Variants in ALKBH3 observed in about 807,000 individuals in gnomAD.
ALKBH3 encodes alkB homolog 3, alpha-ketoglutarate dependent dioxygenase.
In ALKBH3, 51 loss-of-function variants were observed where a neutral mutation model predicts 43.9. The observed-to-expected ratio is 1.16, with a 90% CI of 0.93 to 1.47. The LOEUF is 1.47. Ranked by LOEUF, ALKBH3 falls within the 40% of genes most tolerant of loss-of-function variation. The pLI is 0.00. For synonymous variants in ALKBH3, 102 were observed against 115.2 expected (o/e 0.89, Z 0.73); for missense variants, 361 against 351.9 (o/e 1.03, Z -0.21).
chr11:43,915,414 C>T (rs749635277), intron 8 of ALKBH3, among the ~76,000 whole-genome samples: 7 of 152,212 alleles, frequency 4.6e-5, no homozygotes, highest in Non-Finnish European at 1.0e-4. Context: ...AAATCAAGTG[C>T]CTTAAAGTTC....
intron 8 of ALKBH3, among the ~76,000 whole-genome samples, chr11:43,915,527 T>G (rs1377858953): frequency 1.2e-4 from 18 of 152,202 alleles, no homozygotes; most frequent in Admixed American, 1.2e-3. Flanking sequence ...TTTATTTATT[T>G]TCCCTCTTTT....
intron 8 of ALKBH3, among the ~76,000 whole-genome samples, chr11:43,914,244 G>A (rs978216710): frequency 6.6e-6 from 1 of 152,210 alleles, no homozygotes; most frequent in Non-Finnish European, 1.5e-5. Context: ...ATGCTAGCCT[G>A]CCCTCCTGCT....
intron 5 of ALKBH3, among the ~76,000 whole-genome samples, chr11:43,887,084 A>C (rs1951751438): frequency 6.6e-6 from 1 of 152,220 alleles, no homozygotes; most frequent in South Asian, 2.1e-4. Flanking sequence ...ACAAACCTGC[A>C]TATGTACCCC....
rs942902470 is a variant in ALKBH3, at chr11:43,883,971, A to G, written c.184-12A>G. 9.3e-6 allele frequency: 15 copies of G among 1,613,564 alleles called. No homozygotes were observed. Among genetic ancestry groups the G allele is most frequent in the South Asian group, 3.3e-5 (3 of 91,052 alleles). On this transcript the variant is annotated splice_polypyrimidine_tract_variant and intron_variant, in intron 3 of 9. Transcript: ENST00000302708. ...AACATCCCAGAAGTAAGATCCGCCT[A>G]TTTCCTTGCAGGTAGTACGTAGAGC...
rs762294027 is a variant in ALKBH3, at chr11:43,892,022, C to T, written c.371-19C>T. On this transcript the variant is annotated intron_variant, in intron 6 of 9. Transcript: ENST00000302708. ...AAATAGCATTAAACCATTTCAAAGG[C>T]CTGTATTTTCTTTCTTAGATATAAC... The T allele has an allele frequency of 6.3e-7, 1 of 1,583,374 alleles. No homozygotes were observed. The highest frequency in any genetic ancestry group is 2.2e-5 in the East Asian group (1 of 44,708).
At chr11:43,889,660 T>C in intron 5 of ALKBH3, 65 bp from the exon 6 acceptor site, 1 of 1,408,860 alleles carries the variant, frequency 7.1e-7, no homozygotes. Context: ...CTGTTTCCAC[T>C]AACATTTAGA....
At chr11:43,883,281 AAATT>A (rs1951724364) in intron 3 of ALKBH3, 93 bp downstream of exon 3, 1 of 831,226 alleles carries the variant, frequency 1.2e-6, no homozygotes, top group African/African-American at 1.7e-5. Context: ...ATGACTGAAT[AAATT>A]CACTAATAGC....
intron 5 of ALKBH3, 105 bp downstream of exon 5, chr11:43,886,758 G>T: frequency 9.1e-7 from 1 of 1,093,224 alleles, no homozygotes; most frequent in South Asian, 1.4e-5. Context: ...ATACATTATG[G>T]AATACTATGC....
chr11:43,898,243 G>A, intron 7 of ALKBH3: 1 of 858,614 alleles, frequency 1.2e-6, no homozygotes. Context: ...GACCCACAAG[G>A]GTGAAATTCC....
Position 43,899,915 on chromosome 11 carries a change from G to T in ALKBH3, c.460-1601G>T, listed in dbSNP as rs1465185269. Among the ~76,000 whole-genome samples the T allele has an allele frequency of 2.7e-5, 4 of 149,736 alleles. No homozygotes were observed. The East Asian group carries it at 7.8e-4, about 29-fold the overall frequency. Reference sequence around the variant, plus strand: ...GGAAACCAGTACTTGTTGAGTTTTGGTATAATATCAAAGAAGAATATCTAC... The same window carrying T: ...GGAAACCAGTACTTGTTGAGTTTTGTTATAATATCAAAGAAGAATATCTAC... On this transcript the variant is annotated intron_variant, in intron 7 of 9. Transcript: ENST00000302708.
intron 8 of ALKBH3, among the ~76,000 whole-genome samples, chr11:43,912,103 A>G (rs543808934): frequency 1.7e-3 from 255 of 152,270 alleles, no homozygotes; most frequent in African/African-American, 5.8e-3. Flanking sequence ...AGCCTGGGCC[A>G]CAGAGTGAGA....
chr11:43,889,592 C>A lies in ALKBH3; in HGVS notation c.267-133C>A, dbSNP rs1645260057. ...CCTGGGTGATGTTAGGCTCTGCTTG[C>A]TGTGGGAGCTGTGGTAAGATGATTT... is the stretch of plus-strand genomic sequence containing the variant. On this transcript the variant is annotated intron_variant, in intron 5 of 9. Coordinates refer to ENST00000302708, the MANE Select transcript of ALKBH3 (RefSeq NM_139178.4). The A allele has an allele frequency of 1.2e-5, 8 of 655,002 alleles. No individual in the cohort carries two copies. In the South Asian group the frequency reaches 1.3e-4, roughly 11 times the overall value. The allele number at this position is 655,002 out of a possible 1,614,324, so 40.6% of individuals were successfully genotyped here.
intron 8 of ALKBH3, among the ~76,000 whole-genome samples, chr11:43,914,078 T>C (rs1431424801): frequency 6.6e-6 from 1 of 152,194 alleles, no homozygotes; most frequent in Non-Finnish European, 1.5e-5. Flanking sequence ...CTCTCACTTA[T>C]GCTACTTGCT....
At chr11:43,888,461 T>C (rs1951761239) in intron 5 of ALKBH3, among the ~76,000 whole-genome samples, 1 of 152,246 alleles carries the variant, frequency 6.6e-6, no homozygotes, top group African/African-American at 2.4e-5. Flanking sequence ...GCATTAGTCA[T>C]TGTTTTAAAA....
At chr11:43,919,791 C>A in intron 9 of ALKBH3, 127 bp from the exon 10 acceptor site, 1 of 880,400 alleles carries the variant, frequency 1.1e-6, no homozygotes, top group Non-Finnish European at 1.8e-6. Context: ...CTTCAAAGAG[C>A]TTACTACTCA....
chr11:43,885,762 A>G (rs1951742379), intron 4 of ALKBH3, among the ~76,000 whole-genome samples: 1 of 152,236 alleles, frequency 6.6e-6, no homozygotes, highest in South Asian at 2.1e-4. Context: ...CCCACAGTCT[A>G]TAAAATAAAA....
chr11:43,884,118 T>C, intron 4 of ALKBH3, 101 bp downstream of exon 4: 3 of 1,380,656 alleles, frequency 2.2e-6, no homozygotes, highest in Non-Finnish European at 2.0e-6. Context: ...AATGGCCCAA[T>C]AAGTGTCTTA....
intron 7 of ALKBH3, 88 bp from the exon 8 acceptor site, chr11:43,901,428 T>G (rs1951863010): frequency 6.6e-7 from 1 of 1,503,824 alleles, no homozygotes; most frequent in South Asian, 1.2e-5. Context: ...CTTGGCTGAT[T>G]TTGCCCTTTC....
chr11:43,883,161 A>T lies in ALKBH3; in HGVS notation c.156A>T (p.Arg52Ser), dbSNP rs1248583497. Residue 52 changes from arginine to serine, a missense_variant, in exon 3 of 10, where the codon AGA becomes AGT. Coordinates refer to ENST00000302708, the MANE Select transcript of ALKBH3 (RefSeq NM_139178.4). ...ACAAAGAGCATCATCTCTCTGACAG[A>T]GAGTTTGTGTTCAAAGAACCTCAGC... ...WKNKEHHLSD[R>S]EFVFKEPQQV... The T allele has an allele frequency of 1.2e-6, 2 of 1,613,864 alleles. No individual in the cohort carries two copies. The highest frequency in any genetic ancestry group is 1.7e-6 in the Non-Finnish European group (2 of 1,179,956).
Sources: gnomAD v4.1 joint callset for allele counts (sites outside exome capture counted in the v4.1 genomes callset) on GRCh38, gnomAD v4.1.1 for gene constraint, MANE v1.5 for transcripts, NCBI Gene and HGNC (gene_info 2026-07-23, HGNC 2026-07-21) for gene names.